Variants in RBFOX2 observed in about 807,000 individuals in gnomAD.
The protein encoded by RBFOX2 is RNA binding protein fox-1 homolog 2.
RBFOX2 carries 10 observed loss-of-function variants against 49.1 expected under a neutral mutation model. The observed-to-expected ratio is 0.20, with a 90% CI of 0.13 to 0.35. The LOEUF (loss-of-function observed/expected upper bound fraction) is 0.35. Among genes scored for constraint, RBFOX2 ranks in the 10% least tolerant of loss-of-function variants. The pLI is 1.00. For synonymous variants in RBFOX2, 183 were observed against 187.4 expected, an observed-to-expected ratio of 0.98 and a Z score of 0.19; for missense variants, 323 against 486.9, an observed-to-expected ratio of 0.66 and a Z score of 3.17.
intron 1 of RBFOX2, among the ~76,000 whole-genome samples, chr22:35,982,189 G>A (rs1201754522): frequency 6.6e-6 from 1 of 152,146 alleles, no homozygotes; most frequent in Non-Finnish European, 1.5e-5. Context: ...AAAGAAAGCT[G>A]CTATACTTTT....
intron 1 of RBFOX2, among the ~76,000 whole-genome samples, chr22:35,816,748 T>C (rs187852289): frequency 3.7e-4 from 57 of 152,302 alleles, no homozygotes; most frequent in Non-Finnish European, 7.2e-4. Context: ...CCAATCGCCA[T>C]TGAAGTATTA....
chr22:35,779,829 T>A (rs1944731319), intron 3 of RBFOX2, among the ~76,000 whole-genome samples: 1 of 152,176 alleles, frequency 6.6e-6, no homozygotes, highest in Non-Finnish European at 1.5e-5. Flanking sequence ...AAAAATTATT[T>A]CTTTTGCACT....
At chr22:35,995,288 A>C (rs2058143790) in intron 1 of RBFOX2, 2 of 152,214 alleles carry the variant, frequency 1.3e-5, no homozygotes, top group African/African-American at 4.8e-5. Flanking sequence ...CCGAATAAGA[A>C]GGTTTGGAAG....
chr22:35,795,353 C>A (rs1320568289), intron 2 of RBFOX2, among the ~76,000 whole-genome samples: 1 of 152,032 alleles, frequency 6.6e-6, no homozygotes, highest in East Asian at 1.9e-4. Flanking sequence ...ATGCTAATGA[C>A]ACCTACACTG....
intron 1 of RBFOX2, among the ~76,000 whole-genome samples, chr22:35,854,613 G>C (rs920835533): frequency 2.0e-5 from 3 of 151,538 alleles, no homozygotes; most frequent in Non-Finnish European, 4.4e-5. Flanking sequence ...AAAAAGACTA[G>C]AGGATATACA....
chr22:35,898,131 G>A (rs956869394), intron 1 of RBFOX2: 1 of 744,046 alleles, frequency 1.3e-6, no homozygotes, highest in Non-Finnish European at 2.5e-6. Flanking sequence ...GAAGGTGCAT[G>A]ATGTCACATG....
chr22:35,928,476 G>C (rs1457669530), intron 1 of RBFOX2, among the ~76,000 whole-genome samples: 1 of 152,170 alleles, frequency 6.6e-6, no homozygotes, highest in African/African-American at 2.4e-5. Flanking sequence ...CTGTAGCCAA[G>C]CACGAAGCCA....
At chr22:35,965,144 G>A (rs888994234), upstream of RBFOX2, among the ~76,000 whole-genome samples, 3 of 152,194 alleles carry the variant, frequency 2.0e-5, no homozygotes, top group African/African-American at 7.2e-5. Context: ...AGATGCCATG[G>A]AGAATGAGCA....
At chr22:35,787,715 A>G (rs1224506759) in intron 2 of RBFOX2, among the ~76,000 whole-genome samples, 1 of 152,228 alleles carries the variant, frequency 6.6e-6, no homozygotes, top group African/African-American at 2.4e-5. Flanking sequence ...GAAAAATCTC[A>G]GTCTACAACA....
intron 1 of RBFOX2, among the ~76,000 whole-genome samples, chr22:35,862,408 G>A (rs1027336013): frequency 2.0e-5 from 3 of 151,210 alleles, no homozygotes; most frequent in African/African-American, 7.3e-5. Flanking sequence ...GGAGATGGGG[G>A]AAAGGCATCC....
intron 1 of RBFOX2, among the ~76,000 whole-genome samples, chr22:35,980,243 C>G (rs2057391448): frequency 6.6e-6 from 1 of 151,534 alleles, no homozygotes; most frequent in Admixed American, 6.6e-5. Context: ...GCTTGAACAC[C>G]CATAAATAGG....
intron 1 of RBFOX2, among the ~76,000 whole-genome samples, chr22:35,860,884 T>C (rs1223487509): frequency 1.3e-5 from 2 of 152,218 alleles, no homozygotes; most frequent in Non-Finnish European, 2.9e-5. Context: ...GACTATCTTT[T>C]CTCTAGGCCT....
intron 1 of RBFOX2, among the ~76,000 whole-genome samples, chr22:35,886,721 G>A (rs868411976): frequency 3.9e-5 from 6 of 152,154 alleles, no homozygotes; most frequent in African/African-American, 9.7e-5. Context: ...TGAAACCACC[G>A]TAAGATTGAA....
intron 1 of RBFOX2, among the ~76,000 whole-genome samples, chr22:35,929,025 C>T (rs1354846724): frequency 6.6e-6 from 1 of 152,130 alleles, no homozygotes; most frequent in Non-Finnish European, 1.5e-5. Flanking sequence ...GAGGCTGAGA[C>T]AGGAGGATCA....
intron 1 of RBFOX2, among the ~76,000 whole-genome samples, chr22:35,836,106 C>G (rs1042543693): frequency 2.0e-5 from 3 of 151,946 alleles, no homozygotes; most frequent in Admixed American, 1.3e-4. Context: ...GGATAAGGTT[C>G]GAGTGGCAAG....
intron 1 of RBFOX2, among the ~76,000 whole-genome samples, chr22:35,845,745 T>C (rs936228875): frequency 6.6e-6 from 1 of 152,162 alleles, no homozygotes; most frequent in African/African-American, 2.4e-5. Flanking sequence ...TAAACAAATT[T>C]ATCAATAACT....
rs555033795 is a variant in RBFOX2, at chr22:35,944,862, G to C, written c.43-5965C>G. Among the ~76,000 whole-genome samples the C allele has an allele frequency of 2.6e-5, 4 of 152,166 alleles. No homozygotes were observed. The South Asian group carries it at 8.3e-4, about 32-fold the overall frequency. ...AGGGTGAGGTGGGAGGATCATTTGAGGTCAGGGATTCGAGACTAGCCTGGC... is the reference window on the plus strand; with the variant it reads ...AGGGTGAGGTGGGAGGATCATTTGACGTCAGGGATTCGAGACTAGCCTGGC... On this transcript the variant is annotated intron_variant, in intron 1 of 5. Transcript: ENST00000408983.
chr22:36,016,460 A>T (rs1056620699), intron 1 of RBFOX2, among the ~76,000 whole-genome samples: 1 of 152,138 alleles, frequency 6.6e-6, no homozygotes, highest in Non-Finnish European at 1.5e-5. Flanking sequence ...ATCTGACAAA[A>T]ATCAATGCAG....
At chr22:35,786,631 A>G (rs1946459630) in intron 2 of RBFOX2, among the ~76,000 whole-genome samples, 1 of 152,204 alleles carries the variant, frequency 6.6e-6, no homozygotes, top group Non-Finnish European at 1.5e-5. Context: ...TACAGGCGTG[A>G]GCCACAGCGC....
Sources: allele counts gnomAD v4.1 joint callset (sites outside exome capture counted in the v4.1 genomes callset), GRCh38; gene constraint gnomAD v4.1.1; transcripts MANE v1.5; gene names NCBI Gene and HGNC (gene_info 2026-07-23, HGNC 2026-07-21).